Variants in AKT3 observed in about 807,000 individuals in gnomAD.
AKT3 encodes RAC-gamma serine/threonine-protein kinase.
In AKT3, 15 loss-of-function variants were observed where a neutral mutation model predicts 65.3. That is an observed-to-expected ratio of 0.23 (90% CI 0.15 to 0.35). The LOEUF is 0.35. Among genes scored for constraint, AKT3 ranks in the 10% least tolerant of loss-of-function variants. The probability of loss-of-function intolerance (pLI) is 1.00; values close to 1 mark genes in which losing one functional copy is unlikely to be tolerated. For missense variants in AKT3, 243 were observed against 576.5 expected (o/e 0.42, Z 5.92); for synonymous variants, 206 against 183.8 (o/e 1.12, Z -0.98).
At chr1:243,525,700 T>C (rs1670997577) in intron 12 of AKT3, among the ~76,000 whole-genome samples, 1 of 129,514 alleles carries the variant, frequency 7.7e-6, no homozygotes, top group Non-Finnish European at 1.6e-5. Flanking sequence ...TTATCCAATT[T>C]GAATAGCACA....
At chr1:243,670,616 G>T (rs1683092432) in intron 3 of AKT3, among the ~76,000 whole-genome samples, 1 of 152,124 alleles carries the variant, frequency 6.6e-6, no homozygotes. Flanking sequence ...TTAACCAAAT[G>T]ATTATCTACG....
intron 10 of AKT3, among the ~76,000 whole-genome samples, chr1:243,554,526 A>G (rs1202313627): frequency 6.6e-6 from 1 of 152,222 alleles, no homozygotes; most frequent in Non-Finnish European, 1.5e-5. Context: ...AAAAAGCAGA[A>G]GAAATTCTAC....
At chr1:243,629,454 C>T (rs1366679150) in intron 6 of AKT3, among the ~76,000 whole-genome samples, 1 of 152,078 alleles carries the variant, frequency 6.6e-6, no homozygotes, top group Non-Finnish European at 1.5e-5. Flanking sequence ...GATGTCCCAG[C>T]ATGCTTGTTT....
intron 3 of AKT3, among the ~76,000 whole-genome samples, chr1:243,695,331 T>A (rs563664848): frequency 5.3e-5 from 8 of 152,062 alleles, no homozygotes; most frequent in Admixed American, 5.2e-4. Flanking sequence ...AAACAAAAAC[T>A]TGAAGTATGT....
At chr1:243,589,584 G>T (rs1676082774) in intron 8 of AKT3, among the ~76,000 whole-genome samples, 2 of 152,108 alleles carry the variant, frequency 1.3e-5, no homozygotes, top group Admixed American at 1.3e-4. Flanking sequence ...ACTGTTGGTG[G>T]GAATGTAAAT....
At chr1:243,757,483 T>C (rs1335543148) in intron 2 of AKT3, among the ~76,000 whole-genome samples, 2 of 152,032 alleles carry the variant, frequency 1.3e-5, no homozygotes, top group African/African-American at 2.4e-5. Flanking sequence ...CTGGGCGTGG[T>C]ATCAGGTGCC....
At chr1:243,622,214 A>T (rs1558660459) in intron 6 of AKT3, among the ~76,000 whole-genome samples, 1 of 152,144 alleles carries the variant, frequency 6.6e-6, no homozygotes, top group Non-Finnish European at 1.5e-5. Flanking sequence ...CTCAATTGCT[A>T]TTTCCCCTTG....
intron 2 of AKT3, among the ~76,000 whole-genome samples, chr1:243,795,449 G>GTTTTGTTTTTTTTTTTTT (rs1691898953): frequency 3.2e-5 from 3 of 93,470 alleles, no homozygotes; most frequent in Admixed American, 1.1e-4. Flanking sequence ...TGATCTCCTT[G>GTTTTGTTTTTTTTTTTTT]TTTTTTTTTT....
Position 243,777,144 on chromosome 1 carries a change from T to C in AKT3, c.46+65981A>G, listed in dbSNP as rs538800174. Among the ~76,000 whole-genome samples the C allele has an allele frequency of 4.1e-4, 63 of 152,106 alleles. 1 individual carries two copies. Among genetic ancestry groups the C allele is most frequent in the African/African-American group, 1.3e-3 (56 of 41,510 alleles). ...CATGGAAGACAATTTTTCCATGGGA[T>C]TGGGGGGAGACGGGGGCGGTGGGGA... On this transcript the variant is annotated intron_variant, in intron 2 of 13. Coordinates refer to ENST00000673466, the MANE Select transcript of AKT3 (RefSeq NM_005465.7).
At chr1:243,723,144 A>C (rs915637975) in intron 2 of AKT3, among the ~76,000 whole-genome samples, 3 of 152,206 alleles carry the variant, frequency 2.0e-5, no homozygotes, top group African/African-American at 7.2e-5. Context: ...CAATATAACG[A>C]AAATAATGTT....
intron 8 of AKT3, among the ~76,000 whole-genome samples, chr1:243,583,540 CA>C (rs1294857854): frequency 0.017 from 499 of 30,038 alleles, 3 homozygotes; most frequent in African/African-American, 0.043. Context: ...AAGTAAGTCT[CA>C]AAAAAAAAAA....
intron 6 of AKT3, among the ~76,000 whole-genome samples, chr1:243,623,244 G>C (rs1678900995): frequency 6.6e-6 from 1 of 152,128 alleles, no homozygotes; most frequent in Non-Finnish European, 1.5e-5. Context: ...GGTACTGCTT[G>C]CCTATGTGAC....
chr1:243,634,749 TAAC>T (rs1020237278), intron 6 of AKT3, among the ~76,000 whole-genome samples: 2 of 151,844 alleles, frequency 1.3e-5, no homozygotes, highest in Non-Finnish European at 2.9e-5. Context: ...CAGCAAGATA[TAAC>T]AATAATAAAC....
intron 3 of AKT3, among the ~76,000 whole-genome samples, chr1:243,670,966 T>C (rs1316615584): frequency 6.6e-6 from 1 of 152,208 alleles, no homozygotes; most frequent in Non-Finnish European, 1.5e-5. Context: ...TCTGTTTAGA[T>C]TAAAATGTTT....
chr1:243,494,244 T>G (rs1321123785), intron 13 of AKT3, among the ~76,000 whole-genome samples: 1 of 152,214 alleles, frequency 6.6e-6, no homozygotes, highest in Non-Finnish European at 1.5e-5. Flanking sequence ...ATCCTGATTT[T>G]CACCCGAATT....
At chr1:243,812,569 G>A (rs1170780348) in intron 2 of AKT3, among the ~76,000 whole-genome samples, 1 of 152,184 alleles carries the variant, frequency 6.6e-6, no homozygotes, top group Non-Finnish European at 1.5e-5. Context: ...TACACTGTTG[G>A]TGGCACTGTA....
chr1:243,678,999 T>G (rs1558711394), intron 3 of AKT3, among the ~76,000 whole-genome samples: 1 of 152,118 alleles, frequency 6.6e-6, no homozygotes, highest in Non-Finnish European at 1.5e-5. Flanking sequence ...ACAGAAAGAC[T>G]AACGCCTTCT....
At chr1:243,583,540 C>CAAAAAAAAAAAAAAAAGAAAAAAAAAAAA (rs1675568061) in intron 8 of AKT3, among the ~76,000 whole-genome samples, 1 of 30,014 alleles carries the variant, frequency 3.3e-5, no homozygotes, top group African/African-American at 1.0e-4. Context: ...AAGTAAGTCT[C>CAAAAAAAAAAAAAAAAGAAAAAAAAAAAA]AAAAAAAAAA....
intron 8 of AKT3, among the ~76,000 whole-genome samples, chr1:243,578,282 C>T (rs1471018293): frequency 6.6e-6 from 1 of 152,128 alleles, no homozygotes; most frequent in East Asian, 1.9e-4. Flanking sequence ...ATGGAATCAA[C>T]CCAAGTGCCC....
Sources: allele counts gnomAD v4.1 joint callset (sites outside exome capture counted in the v4.1 genomes callset), GRCh38; gene constraint gnomAD v4.1.1; transcripts MANE v1.5; gene names NCBI Gene and HGNC (gene_info 2026-07-23, HGNC 2026-07-21).